RECK: variants seen among roughly 807,000 people sequenced by gnomAD.
RECK encodes the protein reversion inducing cysteine rich protein with kazal motifs.
Under a neutral mutation model 115.1 loss-of-function variants are expected in RECK, and 69 were observed. The ratio of observed to expected loss-of-function variants is 0.60; its 90% CI spans 0.49 to 0.73. The LOEUF is 0.73. Ranked by LOEUF, RECK falls within the 30% of genes least tolerant of loss-of-function variation. The probability of loss-of-function intolerance (pLI) is 0.00; values close to 1 mark genes in which losing one functional copy is unlikely to be tolerated. For synonymous variants in RECK, 414 were observed against 419.7 expected (o/e 0.99, Z 0.17); for missense variants, 1,047 against 1,203.7 (o/e 0.87, Z 1.93).
rs1457079555 is a variant in RECK, at chr9:36,123,147, C to G, written c.*102C>G. 4 of 829,556 alleles carry G rather than the reference C, an allele frequency of 4.8e-6. No individual in the cohort carries two copies. The East Asian group carries it at 1.0e-4, about 21-fold the overall frequency. The allele number at this position is 829,556 out of a possible 1,614,324, so 51.4% of individuals were successfully genotyped here. The stretch of plus-strand genomic sequence containing the variant: ...TAGTTGAATATTGGCCAAGGAAAGG[C>G]ACATGTCACCTCTATTCGCCACACA... On this transcript the variant is annotated 3_prime_UTR_variant, in exon 21 of 21. Transcript: ENST00000377966.
chr9:36,066,920 T>C, intron 6 of RECK: 2 of 1,174,136 alleles, frequency 1.7e-6, no homozygotes, highest in Non-Finnish European at 2.3e-6. Flanking sequence ...ATAGTTTACT[T>C]TTCCCAGTCT....
chr9:36,078,088 C>A (rs6476520), intron 6 of RECK, among the ~76,000 whole-genome samples: 83,508 of 152,120 alleles, frequency 0.55, 23,282 homozygotes, highest in East Asian at 0.79. Flanking sequence ...AAGTATGTAA[C>A]TGAATGGGCA....
At chr9:36,098,491 G>A (rs1823447437) in intron 10 of RECK, among the ~76,000 whole-genome samples, 1 of 152,180 alleles carries the variant, frequency 6.6e-6, no homozygotes. Flanking sequence ...AGCATATGAA[G>A]CAAGTGGAAT....
At position 36,059,062 on chromosome 9, in the gene RECK, T is replaced by C. The variant is rs910201693; in HGVS notation, c.234+161T>C. Among the ~76,000 whole-genome samples the C allele has an allele frequency of 8.5e-5, 13 of 152,184 alleles. 1 individual carries two copies. The highest frequency in any genetic ancestry group is 2.0e-4 in the Admixed American group (3 of 15,274). On this transcript the variant is annotated intron_variant, in intron 3 of 20. Coordinates refer to ENST00000377966, the MANE Select transcript of RECK (RefSeq NM_021111.3). ...ACTTAAAAAAAATCTTCATATAAAT[T>C]GCTAGATAGAATATTGTTTTTCTTC...
At chr9:36,118,636 C>A in intron 17 of RECK, 121 bp from the exon 18 acceptor site, 1 of 942,392 alleles carries the variant, frequency 1.1e-6, no homozygotes, top group Non-Finnish European at 1.6e-6. Context: ...TTAAGAGGTC[C>A]TCATAATTTA....
At chr9:36,082,346 G>A (rs1588307022) in intron 7 of RECK, among the ~76,000 whole-genome samples, 2 of 152,190 alleles carry the variant, frequency 1.3e-5, no homozygotes, top group East Asian at 3.9e-4. Flanking sequence ...ACTGCACCCA[G>A]CTAATTTTTG....
intron 1 of RECK, among the ~76,000 whole-genome samples, chr9:36,051,385 G>A (rs1234644492): frequency 6.6e-6 from 1 of 152,114 alleles, no homozygotes; most frequent in Admixed American, 6.5e-5. Flanking sequence ...CCTTCCCATC[G>A]TTGCTAGACT....
In RECK at chr9:36,093,472, A is replaced by G. The variant is rs549614589; in HGVS notation, c.1085+2129A>G. 2.0e-5 allele frequency among the ~76,000 whole-genome samples: 3 copies of G among 152,306 alleles called. No homozygotes were observed. In the South Asian group the frequency reaches 6.2e-4, roughly 32 times the overall value. ...TATAGGTGAGATATGGAAGCTCTAA[A>G]AAAAACCACATGGAAACTCTAAAAC... On this transcript the variant is annotated intron_variant, in intron 10 of 20. Coordinates refer to ENST00000377966, the MANE Select transcript of RECK (RefSeq NM_021111.3).
intron 8 of RECK, among the ~76,000 whole-genome samples, chr9:36,086,820 T>C (rs1211735055): frequency 1.3e-5 from 2 of 152,242 alleles, no homozygotes; most frequent in African/African-American, 4.8e-5. Flanking sequence ...ATTTCTCTCA[T>C]GTCAAGAACA....
chr9:36,084,299 G>C (rs1468841454), intron 8 of RECK, among the ~76,000 whole-genome samples: 1 of 152,112 alleles, frequency 6.6e-6, no homozygotes, highest in Non-Finnish European at 1.5e-5. Flanking sequence ...GCTGAGGCTG[G>C]AGAATCACAT....
chr9:36,049,172 C>T (rs1430560125), intron 1 of RECK, among the ~76,000 whole-genome samples: 1 of 152,184 alleles, frequency 6.6e-6, no homozygotes, highest in Non-Finnish European at 1.5e-5. Flanking sequence ...CTTCCCAGTA[C>T]ATCAATGTGT....
chr9:36,089,348 G>A (rs1316608535), intron 9 of RECK, among the ~76,000 whole-genome samples: 1 of 152,094 alleles, frequency 6.6e-6, no homozygotes, highest in East Asian at 1.9e-4. Flanking sequence ...AGGGTTTTAT[G>A]GTTTGCTGAA....
chr9:36,043,667 T>A (rs1820970769), intron 1 of RECK, among the ~76,000 whole-genome samples: 1 of 152,196 alleles, frequency 6.6e-6, no homozygotes, highest in Non-Finnish European at 1.5e-5. Flanking sequence ...TAGAATTAAG[T>A]CTTGATCAAT....
intron 10 of RECK, among the ~76,000 whole-genome samples, chr9:36,096,462 G>A (rs536724365): frequency 8.3e-4 from 126 of 152,032 alleles, no homozygotes; most frequent in East Asian, 9.7e-4. Flanking sequence ...GCTTGAACCC[G>A]GGAGGTGGAG....
chr9:36,044,574 C>A (rs538079596), intron 1 of RECK, among the ~76,000 whole-genome samples: 1 of 152,106 alleles, frequency 6.6e-6, no homozygotes, highest in African/African-American at 2.4e-5. Context: ...AAGAAGCTTA[C>A]AATCAATCTG....
intron 4 of RECK, among the ~76,000 whole-genome samples, chr9:36,062,439 G>T (rs1322788342): frequency 6.6e-6 from 1 of 151,960 alleles, no homozygotes. Flanking sequence ...GGGATTACAG[G>T]TGTAAGCCAC....
At chr9:36,089,994 AC>A (rs1284950159) in intron 9 of RECK, among the ~76,000 whole-genome samples, 13 of 151,590 alleles carry the variant, frequency 8.6e-5, no homozygotes, top group Non-Finnish European at 1.6e-4. Context: ...ACACACACAC[AC>A]ACACACACAA....
rs1823851685 is a variant in RECK, at chr9:36,107,130, A to T, written c.1577-846A>T. Among the ~76,000 whole-genome samples the T allele has an allele frequency of 2.0e-5, 3 of 147,698 alleles. 1 individual carries two copies. In the South Asian group the frequency reaches 6.5e-4, roughly 32 times the overall value. ...CAAAAAAAAAAAAAAAAAAAAAGGA[A>T]TTCAATTCAGAATCCTCTTGTTTCA... On this transcript the variant is annotated intron_variant, in intron 13 of 20. Coordinates refer to ENST00000377966, the MANE Select transcript of RECK (RefSeq NM_021111.3).
At chr9:36,096,356 G>A (rs1378998965) in intron 10 of RECK, among the ~76,000 whole-genome samples, 1 of 151,864 alleles carries the variant, frequency 6.6e-6, no homozygotes, top group Non-Finnish European at 1.5e-5. Flanking sequence ...GGCCAACATG[G>A]TGAAACCTCG....
Sources: gnomAD v4.1 joint callset for allele counts (sites outside exome capture counted in the v4.1 genomes callset) on GRCh38, gnomAD v4.1.1 for gene constraint, MANE v1.5 for transcripts, NCBI Gene and HGNC (gene_info 2026-07-23, HGNC 2026-07-21) for gene names.